The following KIF3C variants were observed in gnomAD, a reference collection of about 807,000 sequenced individuals.
KIF3C encodes the protein kinesin family member 3C.
Under a neutral mutation model 67.7 loss-of-function variants are expected in KIF3C, and 12 were observed. The ratio of observed to expected loss-of-function variants is 0.18; its 90% CI spans 0.11 to 0.29. The LOEUF is 0.29. KIF3C is among the 10% of genes least tolerant of loss of function. KIF3C has a pLI of 1.00. For missense variants in KIF3C, 789 were observed against 1,059.6 expected, an observed-to-expected ratio of 0.74 and a Z score of 3.55; for synonymous variants, 393 against 426.2, an observed-to-expected ratio of 0.92 and a Z score of 0.96.
intron 1 of KIF3C, among the ~76,000 whole-genome samples, chr2:25,961,714 T>C (rs1483933736): frequency 6.6e-6 from 1 of 152,214 alleles, no homozygotes; most frequent in Non-Finnish European, 1.5e-5. Context: ...AAAACCATGA[T>C]GTGGCTGAAT....
intron 5 of KIF3C, among the ~76,000 whole-genome samples, chr2:25,930,841 A>G (rs574022305): frequency 2.0e-5 from 3 of 151,868 alleles, no homozygotes; most frequent in East Asian, 3.9e-4. Flanking sequence ...GCCTGGCCTA[A>G]CACCCGGCTA....
intron 5 of KIF3C, among the ~76,000 whole-genome samples, chr2:25,935,911 A>C (rs1156832341): frequency 6.6e-6 from 1 of 151,310 alleles, no homozygotes; most frequent in Non-Finnish European, 1.5e-5. Flanking sequence ...CCCCATCTCT[A>C]CTAAAAAAAA....
intron 5 of KIF3C, among the ~76,000 whole-genome samples, chr2:25,940,788 G>A (rs1663265220): frequency 6.6e-6 from 1 of 150,734 alleles, no homozygotes; most frequent in Non-Finnish European, 1.5e-5. Context: ...GGGTAGCTGG[G>A]ATTATAGGCG....
At chr2:25,964,067 G>A (rs1380724688) in intron 1 of KIF3C, among the ~76,000 whole-genome samples, 3 of 151,990 alleles carry the variant, frequency 2.0e-5, no homozygotes, top group Admixed American at 6.6e-5. Flanking sequence ...CAACACTTTC[G>A]GAGACCTAGG....
chr2:25,938,665 C>T (rs949541121), intron 5 of KIF3C, among the ~76,000 whole-genome samples: 3 of 152,130 alleles, frequency 2.0e-5, no homozygotes, highest in Admixed American at 6.6e-5. Flanking sequence ...CACCGACCTT[C>T]CCATCGGCTC....
chr2:25,977,920 T>C (rs1199336711), intron 1 of KIF3C, among the ~76,000 whole-genome samples: 1 of 152,170 alleles, frequency 6.6e-6, no homozygotes, highest in African/African-American at 2.4e-5. Context: ...CTGAGTGTGA[T>C]GAGAAGTCAC....
chr2:25,974,752 C>T (rs560625814), intron 1 of KIF3C, among the ~76,000 whole-genome samples: 77 of 152,154 alleles, frequency 5.1e-4, no homozygotes, highest in Non-Finnish European at 8.4e-4. Flanking sequence ...CAGGGCTGGG[C>T]ATGGTGACTC....
rs1056119152 is a variant in KIF3C, at chr2:25,980,258, G to A, written c.1545+115C>T. Reference sequence around the variant, plus strand: ...CACATTTGGCAGGAGGGCAGTGTGCGGTGCTGAGGGAGAACCTCCACTTCA... The same window carrying A: ...CACATTTGGCAGGAGGGCAGTGTGCAGTGCTGAGGGAGAACCTCCACTTCA... On this transcript the variant is annotated intron_variant, in intron 1 of 7. Coordinates refer to ENST00000264712, the MANE Select transcript of KIF3C (RefSeq NM_002254.8). This position sits in a 1 kb window ranked among gnomAD's most constrained non-coding sequence, Gnocchi z 7.6. The A allele has an allele frequency of 2.4e-5, 20 of 824,900 alleles. No individual in the cohort carries two copies. The highest frequency in any genetic ancestry group is 1.0e-4 in the African/African-American group (6 of 58,192). 51.1% of individuals were successfully genotyped at this position (824,900 alleles called of 1,614,324 possible). A position where few individuals can be genotyped will look rare whatever the true frequency, so the allele number is the denominator to read the frequency against.
At position 25,948,607 on chromosome 2, in the gene KIF3C, A is replaced by G. The variant is rs566243976; in HGVS notation, c.2006+3182T>C. Among the ~76,000 whole-genome samples, 71 of 137,414 alleles carry G rather than the reference A, an allele frequency of 5.2e-4. 1 individual carries two copies. In the South Asian group the frequency reaches 0.014, roughly 28 times the overall value. 90.1% of individuals were successfully genotyped at this position (137,414 alleles called of 152,430 possible). A position where few individuals can be genotyped will look rare whatever the true frequency, so the allele number is the denominator to read the frequency against. On this transcript the variant is annotated intron_variant, in intron 5 of 7. Coordinates refer to ENST00000264712, the MANE Select transcript of KIF3C (RefSeq NM_002254.8). ...AAGAAAGGGAGAAAGAGAAAGAAAG[A>G]AAGAGAAAGAGAAAGAGAGAAAGAG...
At position 25,955,969 on chromosome 2, in the gene KIF3C, C is replaced by T. The variant is rs1190803596; in HGVS notation, c.1648-306G>A. Among the ~76,000 whole-genome samples the T allele has an allele frequency of 6.6e-6, 1 of 152,192 alleles. No homozygotes were observed. Among genetic ancestry groups the T allele is most frequent in the Non-Finnish European group, 1.5e-5 (1 of 68,044 alleles). On this transcript the variant is annotated intron_variant, in intron 2 of 7. Transcript: ENST00000264712. This position sits in a 1 kb window ranked among gnomAD's most constrained non-coding sequence, Gnocchi z 5.0. ...TCACACTGCCTTCCAAGCTGCCTCA[C>T]CCTCTCCCCAAGTAGTATAATGGTT...
Position 25,929,339 on chromosome 2 carries a change from G to C in KIF3C, c.2254C>G (p.Pro752Ala). 1 of 1,614,164 alleles carries C rather than the reference G, an allele frequency of 6.2e-7. No homozygotes were observed. Residue 752 changes from proline (P) to alanine (A), a missense_variant, in exon 7 of 8, where the codon CCT becomes GCT. Pro to Ala is a conservative substitution (Grantham distance 27). Transcript: ENST00000264712. ...LMRLDSFLER[P>A]STSKVRKSRS... is the part of the protein sequence containing the mutation. ...GACTTTCGGACTTTAGACGTGGAAG[G>C]TCTTTCCAGAAAGCTGTCCAATCGC...
intron 1 of KIF3C, among the ~76,000 whole-genome samples, chr2:25,957,475 A>G (rs533999345): frequency 4.6e-4 from 70 of 152,296 alleles, no homozygotes; most frequent in African/African-American, 1.6e-3. Context: ...GAAAATGAAA[A>G]TAAAATAAGA....
At chr2:25,946,047 A>C (rs1323118545) in intron 5 of KIF3C, among the ~76,000 whole-genome samples, 1 of 152,138 alleles carries the variant, frequency 6.6e-6, no homozygotes, top group East Asian at 1.9e-4. Context: ...TGGGAGGCAG[A>C]GGTTGCAGTG....
intron 5 of KIF3C, among the ~76,000 whole-genome samples, chr2:25,932,472 G>C (rs2090469227): frequency 6.6e-6 from 1 of 151,632 alleles, no homozygotes; most frequent in Non-Finnish European, 1.5e-5. Flanking sequence ...ATAATAAAAT[G>C]GTTAAAAACT....
intron 1 of KIF3C, among the ~76,000 whole-genome samples, chr2:25,974,483 G>A (rs557484214): frequency 1.3e-5 from 2 of 152,282 alleles, no homozygotes; most frequent in South Asian, 4.1e-4. Flanking sequence ...TTACAGGCAT[G>A]AGCCACTGCG....
chr2:25,963,207 T>A (rs1225192136), intron 1 of KIF3C, among the ~76,000 whole-genome samples: 19 of 96,244 alleles, frequency 2.0e-4, no homozygotes, highest in African/African-American at 7.1e-4. Flanking sequence ...TTTTTTTTTT[T>A]TTTTTTTTTT....
rs181857359 is a variant in KIF3C at position 25,958,499 on chromosome 2, T to C, written c.1546-2055A>G. Among the ~76,000 whole-genome samples the C allele has an allele frequency of 5.9e-4, 90 of 152,062 alleles. No individual in the cohort carries two copies. The East Asian group carries it at 0.011, about 19-fold the overall frequency. ...AGGAGGCTGAGGCAGGAGAATCGGT[T>C]GAACTAGGGAGGCAGAGGCTGCAGT... On this transcript the variant is annotated intron_variant, in intron 1 of 7. Transcript: ENST00000264712. The surrounding 1 kb of genome is among the most constrained non-coding windows in gnomAD (Gnocchi z 4.5).
chr2:25,976,589 G>T (rs1001099872), intron 1 of KIF3C, among the ~76,000 whole-genome samples: 1 of 151,828 alleles, frequency 6.6e-6, no homozygotes, highest in Non-Finnish European at 1.5e-5. Flanking sequence ...ATGAAACCCC[G>T]TCTCTACTAA....
chr2:25,943,082 A>C (rs1346376188), intron 5 of KIF3C, among the ~76,000 whole-genome samples: 3 of 152,236 alleles, frequency 2.0e-5, no homozygotes, highest in Admixed American at 6.5e-5. Flanking sequence ...CCACAGGCCG[A>C]AATAAAGCAA....
Sources: gnomAD v4.1 joint callset for allele counts (sites outside exome capture counted in the v4.1 genomes callset) on GRCh38, gnomAD v4.1.1 for gene constraint, Gnocchi (gnomAD v3.1) non-coding constraint, MANE v1.5 for transcripts, NCBI Gene and HGNC (gene_info 2026-07-23, HGNC 2026-07-21) for gene names.